PDE10A: variants seen among roughly 807,000 people sequenced by gnomAD.
The protein encoded by PDE10A is cAMP and cAMP-inhibited cGMP 3',5'-cyclic phosphodiesterase 10A.
PDE10A carries 39 observed loss-of-function variants against 97.7 expected under a neutral mutation model. The ratio of observed to expected loss-of-function variants is 0.40; its 90% CI spans 0.31 to 0.52. The LOEUF (loss-of-function observed/expected upper bound fraction) is 0.52, where lower values mean the gene tolerates loss of function less well. PDE10A is among the 20% of genes least tolerant of loss of function. The pLI is 0.56. For synonymous variants in PDE10A, 371 were observed against 376.8 expected (o/e 0.98, Z 0.18); for missense variants, 731 against 1,047.8 (o/e 0.70, Z 4.17).
chr6:165,471,247 G>A (rs559689316), intron 3 of PDE10A, among the ~76,000 whole-genome samples: 5 of 152,116 alleles, frequency 3.3e-5, no homozygotes, highest in African/African-American at 1.2e-4. Context: ...CACCTCTTGT[G>A]TTCAGTCTTC....
chr6:165,871,686 C>T lies in PDE10A; in HGVS notation c.-615+115843G>A, dbSNP rs571726501. 5.9e-5 allele frequency among the ~76,000 whole-genome samples: 9 copies of T among 152,280 alleles called. No individual in the cohort carries two copies. In the South Asian group the frequency reaches 1.7e-3, roughly 28 times the overall value. On this transcript the variant is annotated intron_variant, in intron 1 of 19. Transcript: ENST00000366882. Reference sequence around the variant, plus strand: ...AGCAGTGGGTGGATTTGCATGCACTCCCCAGGCAGGGTAAGTGCCAGGAAG... The same window carrying T: ...AGCAGTGGGTGGATTTGCATGCACTTCCCAGGCAGGGTAAGTGCCAGGAAG...
intron 1 of PDE10A, among the ~76,000 whole-genome samples, chr6:165,937,444 C>G (rs918997822): frequency 7.9e-5 from 12 of 152,188 alleles, no homozygotes; most frequent in Non-Finnish European, 1.6e-4. Flanking sequence ...CATTGGAATT[C>G]AGTCTCATAT....
chr6:165,504,052 A>G (rs1401494888), intron 2 of PDE10A, among the ~76,000 whole-genome samples: 2 of 152,200 alleles, frequency 1.3e-5, no homozygotes, highest in Non-Finnish European at 2.9e-5. Context: ...TTATTTGCAG[A>G]AAAGGCTGTA....
intron 1 of PDE10A, among the ~76,000 whole-genome samples, chr6:165,679,858 G>T (rs185936357): frequency 7.9e-5 from 12 of 152,208 alleles, no homozygotes; most frequent in Admixed American, 4.6e-4. Flanking sequence ...GGATACTGTG[G>T]GTCCCCATGG....
At chr6:165,938,626 C>T (rs942660116) in intron 1 of PDE10A, among the ~76,000 whole-genome samples, 21 of 152,122 alleles carry the variant, frequency 1.4e-4, no homozygotes, top group African/African-American at 5.1e-4. Context: ...GTGAGGAGGC[C>T]CTGGCTGATG....
chr6:165,909,809 G>A (rs549127277), intron 1 of PDE10A, among the ~76,000 whole-genome samples: 1 of 152,074 alleles, frequency 6.6e-6, no homozygotes, highest in South Asian at 2.1e-4. Flanking sequence ...AGCCCACCTT[G>A]ACAAACCTCC....
At chr6:165,614,030 C>T (rs1380707180) in intron 1 of PDE10A, among the ~76,000 whole-genome samples, 2 of 152,138 alleles carry the variant, frequency 1.3e-5, no homozygotes, top group Admixed American at 6.6e-5. Flanking sequence ...CCACTTCTGC[C>T]GTGTGCAACC....
Position 165,349,767 on chromosome 6 carries a change from C to A in PDE10A, c.2784-6265G>T, listed in dbSNP as rs555782793. ...TGGGACATGGTGCCCTGTTTACCAG[C>A]TGCTTCAACTCCAGTGGTGACGAAA... On this transcript the variant is annotated intron_variant, in intron 18 of 21. Coordinates refer to ENST00000539869, the MANE Select transcript of PDE10A (RefSeq NM_001385079.1). Among the ~76,000 whole-genome samples the A allele has an allele frequency of 7.9e-5, 12 of 152,318 alleles. No individual in the cohort carries two copies. In the East Asian group the frequency reaches 2.3e-3, roughly 29 times the overall value.
intron 18 of PDE10A, among the ~76,000 whole-genome samples, chr6:165,378,577 T>A (rs1056978015): frequency 6.6e-6 from 1 of 152,158 alleles, no homozygotes; most frequent in Non-Finnish European, 1.5e-5. Context: ...AAGACACCCA[T>A]CCTCAAAAAC....
chr6:165,934,220 G>T (rs1477685988), intron 1 of PDE10A, among the ~76,000 whole-genome samples: 2 of 129,994 alleles, frequency 1.5e-5, no homozygotes, highest in African/African-American at 6.0e-5. Flanking sequence ...GCCTGGTCTT[G>T]AGCTCCTGAC....
chr6:165,452,790 C>T (rs1418175002), intron 3 of PDE10A, among the ~76,000 whole-genome samples: 1 of 151,736 alleles, frequency 6.6e-6, no homozygotes, highest in East Asian at 1.9e-4. Flanking sequence ...AATGTGGAAG[C>T]AGCTTTGGAA....
chr6:165,523,593 C>A (rs569278719), intron 2 of PDE10A, among the ~76,000 whole-genome samples: 41 of 152,216 alleles, frequency 2.7e-4, no homozygotes, highest in Non-Finnish European at 3.5e-4. Flanking sequence ...TAGACCCCAA[C>A]CTATCACCAA....
chr6:165,978,891 G>A lies in PDE10A; in HGVS notation c.-615+8638C>T, dbSNP rs540460925. Among the ~76,000 whole-genome samples the A allele has an allele frequency of 8.8e-4, 134 of 152,308 alleles. 1 individual carries two copies. The highest frequency in any genetic ancestry group is 3.1e-3 in the African/African-American group (129 of 41,558). ...CAAAATGTTTATAAATAACTCTGAA[G>A]TACTTCAGCCAAGAATAATAATAAT... On this transcript the variant is annotated intron_variant, in intron 1 of 19. Coordinates refer to the PDE10A transcript ENST00000366882.
intron 3 of PDE10A, among the ~76,000 whole-genome samples, chr6:165,458,629 GTATC>G (rs1378428140): frequency 6.6e-6 from 1 of 151,846 alleles, no homozygotes; most frequent in Admixed American, 6.6e-5. Context: ...TCAGTAAATT[GTATC>G]TATCAATCTT....
At chr6:165,528,176 G>C (rs1032885423) in intron 2 of PDE10A, among the ~76,000 whole-genome samples, 4 of 152,226 alleles carry the variant, frequency 2.6e-5, no homozygotes, top group Admixed American at 2.6e-4. Flanking sequence ...TTGGGGAAGA[G>C]GTATGTGGAT....
chr6:165,378,396 T>G (rs919921505), intron 18 of PDE10A, among the ~76,000 whole-genome samples: 1 of 152,140 alleles, frequency 6.6e-6, no homozygotes, highest in Non-Finnish European at 1.5e-5. Context: ...TAAGCAGAAG[T>G]TGGTCAGACA....
intron 1 of PDE10A, among the ~76,000 whole-genome samples, chr6:165,651,726 T>C (rs1034844482): frequency 6.6e-6 from 1 of 152,108 alleles, no homozygotes; most frequent in Non-Finnish European, 1.5e-5. Context: ...AATTTCCTCA[T>C]TTTTTTTCTT....
chr6:165,837,098 T>G (rs371689054), intron 1 of PDE10A, among the ~76,000 whole-genome samples: 28,113 of 149,014 alleles, frequency 0.19, 3,182 homozygotes, highest in Middle Eastern at 0.26. Context: ...TACCTAATGC[T>G]AGATGACGAG....
intron 1 of PDE10A, among the ~76,000 whole-genome samples, chr6:165,914,293 TG>T (rs901797982): frequency 1.3e-5 from 2 of 152,226 alleles, no homozygotes; most frequent in African/African-American, 2.4e-5. Flanking sequence ...CATTTCCTCC[TG>T]GGTACACCCA....
Sources: allele counts gnomAD v4.1 joint callset (sites outside exome capture counted in the v4.1 genomes callset), GRCh38; gene constraint gnomAD v4.1.1; transcripts MANE v1.5; gene names NCBI Gene and HGNC (gene_info 2026-07-23, HGNC 2026-07-21).